The following FRMD4A variants were observed in gnomAD, a reference collection of about 807,000 sequenced individuals.
FRMD4A encodes FERM domain containing 4A.
In FRMD4A, 29 loss-of-function variants were observed where a neutral mutation model predicts 129.1. The observed-to-expected ratio is 0.22, with a 90% CI of 0.17 to 0.31. The LOEUF (loss-of-function observed/expected upper bound fraction) is 0.31, where lower values mean the gene tolerates loss of function less well. FRMD4A is among the 10% of genes least tolerant of loss of function. The pLI is 1.00. For synonymous variants in FRMD4A, 634 were observed against 571.6 expected, an observed-to-expected ratio of 1.11 and a Z score of -1.56; for missense variants, 1,272 against 1,375.8, an observed-to-expected ratio of 0.92 and a Z score of 1.19.
intron 2 of FRMD4A, among the ~76,000 whole-genome samples, chr10:13,916,425 C>T (rs2095007423): frequency 6.6e-6 from 1 of 152,226 alleles, no homozygotes; most frequent in African/African-American, 2.4e-5. Context: ...CAGCCCAGGT[C>T]AAGGTCTTTA....
intron 15 of FRMD4A, among the ~76,000 whole-genome samples, chr10:13,681,948 G>C (rs2084630695): frequency 6.6e-6 from 1 of 152,166 alleles, no homozygotes; most frequent in Admixed American, 6.5e-5. Context: ...GGCTGGGGTG[G>C]TGTCTCACAC....
At chr10:13,950,168 T>A (rs1267328204) in intron 2 of FRMD4A, among the ~76,000 whole-genome samples, 2 of 152,294 alleles carry the variant, frequency 1.3e-5, no homozygotes, top group East Asian at 3.9e-4. Flanking sequence ...CACCCTAAAA[T>A]CCTGTCCCAG....
At chr10:13,751,908 T>C (rs2091644929) in intron 8 of FRMD4A, among the ~76,000 whole-genome samples, 1 of 151,992 alleles carries the variant, frequency 6.6e-6, no homozygotes, top group Non-Finnish European at 1.5e-5. Flanking sequence ...CCCAGCTATC[T>C]GGGAGGCTAA....
At chr10:14,104,230 T>C (rs572966479) in intron 2 of FRMD4A, among the ~76,000 whole-genome samples, 7 of 152,070 alleles carry the variant, frequency 4.6e-5, no homozygotes, top group Admixed American at 1.3e-4. Context: ...CACTGAGGTC[T>C]ACACTGCCAT....
intron 2 of FRMD4A, among the ~76,000 whole-genome samples, chr10:13,869,848 G>C (rs1405312754): frequency 6.6e-6 from 1 of 152,160 alleles, no homozygotes; most frequent in Non-Finnish European, 1.5e-5. Context: ...ACACAATTAG[G>C]AAGATTTATT....
intron 2 of FRMD4A, among the ~76,000 whole-genome samples, chr10:14,029,353 A>G (rs958115546): frequency 6.6e-6 from 1 of 152,074 alleles, no homozygotes; most frequent in African/African-American, 2.4e-5. Context: ...TCGTTCTTCT[A>G]GAGAGAGTAT....
At chr10:14,217,031 C>T (rs78183853) in intron 2 of FRMD4A, among the ~76,000 whole-genome samples, 3 of 152,214 alleles carry the variant, frequency 2.0e-5, no homozygotes, top group East Asian at 1.9e-4. Flanking sequence ...AGCCGGTCAC[C>T]GAACAGGGGG....
intron 2 of FRMD4A, among the ~76,000 whole-genome samples, chr10:14,057,923 T>C (rs139755179): frequency 6.0e-4 from 91 of 152,300 alleles, no homozygotes; most frequent in African/African-American, 2.1e-3. Context: ...CAAATTCAGT[T>C]TGCGTGTCTG....
At chr10:14,083,441 G>A (rs1431916667) in intron 2 of FRMD4A, 1 of 152,482 alleles carries the variant, frequency 6.6e-6, no homozygotes, top group Non-Finnish European at 1.5e-5. Context: ...CACTCTACCA[G>A]CTCTGCAAGA....
At chr10:14,252,269 G>A (rs1455926659) in intron 2 of FRMD4A, among the ~76,000 whole-genome samples, 2 of 151,994 alleles carry the variant, frequency 1.3e-5, no homozygotes, top group Non-Finnish European at 2.9e-5. Context: ...CCTAACTACA[G>A]GAAATTATCA....
intron 2 of FRMD4A, among the ~76,000 whole-genome samples, chr10:14,105,408 C>CAAAAATA (rs138046372): frequency 0.11 from 17,001 of 151,652 alleles, 3,009 homozygotes; most frequent in African/African-American, 0.38. Context: ...TCCACAAAAA[C>CAAAAATA]AAAAATAAAA....
chr10:14,329,904 C>G (rs1188049621), intron 2 of FRMD4A, among the ~76,000 whole-genome samples, 154 bp downstream of exon 2: 1 of 152,198 alleles, frequency 6.6e-6, no homozygotes. Flanking sequence ...CATGCTGATA[C>G]TCTGACCCAA....
chr10:14,126,732 T>G, intron 2 of FRMD4A, among the ~76,000 whole-genome samples: 1 of 152,222 alleles, frequency 6.6e-6, no homozygotes, highest in East Asian at 1.9e-4. Flanking sequence ...TGAATCACCT[T>G]GCAGAGAGGA....
chr10:14,181,694 G>T (rs901959470), intron 2 of FRMD4A, among the ~76,000 whole-genome samples: 2 of 152,102 alleles, frequency 1.3e-5, no homozygotes, highest in African/African-American at 4.8e-5. Context: ...TGATTACCAT[G>T]AATTTTTTTT....
intron 20 of FRMD4A, among the ~76,000 whole-genome samples, chr10:13,659,995 G>C (rs181939874): frequency 2.0e-5 from 3 of 152,208 alleles, no homozygotes; most frequent in Non-Finnish European, 1.5e-5. Context: ...CATTTGCTCC[G>C]AGTGGACTTT....
intron 2 of FRMD4A, among the ~76,000 whole-genome samples, chr10:14,279,933 T>C (rs901132218): frequency 1.3e-5 from 2 of 152,182 alleles, no homozygotes; most frequent in African/African-American, 2.4e-5. Flanking sequence ...TACAAATGAG[T>C]AAACTGAGGT....
intron 2 of FRMD4A, among the ~76,000 whole-genome samples, chr10:13,917,305 T>C (rs2610819): frequency 0.96 from 142,723 of 147,916 alleles, 68,907 homozygotes; most frequent in East Asian, 1. Context: ...TTTTTTGAGA[T>C]GGAGACTCGC....
At chr10:14,030,345 G>C (rs1413770065) in intron 2 of FRMD4A, among the ~76,000 whole-genome samples, 1 of 152,148 alleles carries the variant, frequency 6.6e-6, no homozygotes, top group Non-Finnish European at 1.5e-5. Context: ...TGATCCTGGT[G>C]ATTATTTCAC....
chr10:14,057,641 G>C (rs1303059159), intron 2 of FRMD4A, among the ~76,000 whole-genome samples: 1 of 151,480 alleles, frequency 6.6e-6, no homozygotes, highest in African/African-American at 2.4e-5. Context: ...CGCGATCTCT[G>C]CTCACCACAA....
Sources: gnomAD v4.1 joint callset for allele counts (sites outside exome capture counted in the v4.1 genomes callset) on GRCh38, gnomAD v4.1.1 for gene constraint, MANE v1.5 for transcripts, NCBI Gene and HGNC (gene_info 2026-07-23, HGNC 2026-07-21) for gene names.